IQCJ: variants seen among roughly 807,000 people sequenced by gnomAD.
The protein encoded by IQCJ is IQ domain-containing protein J.
Under a neutral mutation model 11.0 loss-of-function variants are expected in IQCJ, and 9 were observed. The observed-to-expected ratio is 0.82, with a 90% CI of 0.49 to 1.43. The LOEUF is 1.43. IQCJ is among the 40% of genes most tolerant of loss of function. IQCJ has a pLI of 0.00. For missense variants in IQCJ, 146 were observed against 133.2 expected, an observed-to-expected ratio of 1.10 and a Z score of -0.47; for synonymous variants, 55 against 51.3, an observed-to-expected ratio of 1.07 and a Z score of -0.31.
intron 3 of IQCJ, among the ~76,000 whole-genome samples, chr3:159,255,136 A>G (rs150632415): frequency 4.8e-4 from 73 of 152,312 alleles, no homozygotes; most frequent in Admixed American, 1.2e-3. Flanking sequence ...ACCCTGTATT[A>G]TCACAGGCTT....
intron 1 of IQCJ, among the ~76,000 whole-genome samples, chr3:159,074,786 T>A (rs1480404301): frequency 6.6e-6 from 1 of 152,132 alleles, no homozygotes; most frequent in East Asian, 1.9e-4. Flanking sequence ...ACAGCCAGTT[T>A]GAGTAACGAA....
At chr3:159,172,597 A>T (rs1047658191) in intron 1 of IQCJ, among the ~76,000 whole-genome samples, 7 of 152,120 alleles carry the variant, frequency 4.6e-5, no homozygotes, top group Admixed American at 3.9e-4. Context: ...AATAAAATTC[A>T]TAAGAATCCT....
intron 1 of IQCJ, among the ~76,000 whole-genome samples, chr3:159,235,896 A>G (rs1726552867): frequency 6.6e-6 from 1 of 152,326 alleles, no homozygotes; most frequent in African/African-American, 2.4e-5. Context: ...TAAGTTTACA[A>G]TGTAGAAGGC....
At chr3:159,080,360 T>G (rs10513534) in intron 1 of IQCJ, among the ~76,000 whole-genome samples, 82,726 of 151,930 alleles carry the variant, frequency 0.54, 25,628 homozygotes, top group Non-Finnish European at 0.69. Context: ...ACTCTTCCAC[T>G]GTGGTTATCA....
At chr3:159,182,515 C>G (rs78493620) in intron 1 of IQCJ, among the ~76,000 whole-genome samples, 1,635 of 152,038 alleles carry the variant, frequency 0.011, 53 homozygotes, top group African/African-American at 0.038. Flanking sequence ...CTTATTCGGC[C>G]GGGGGCATCG....
intron 1 of IQCJ, among the ~76,000 whole-genome samples, chr3:159,240,293 A>G (rs902825303): frequency 6.6e-6 from 1 of 152,218 alleles, no homozygotes; most frequent in East Asian, 1.9e-4. Flanking sequence ...ATTAGCTTTC[A>G]CTTACTATGA....
intron 1 of IQCJ, among the ~76,000 whole-genome samples, chr3:159,213,789 A>G (rs1010104196): frequency 1.3e-5 from 2 of 152,170 alleles, no homozygotes; most frequent in African/African-American, 2.4e-5. Flanking sequence ...CCTTCTTTCA[A>G]GTTCCTCAAA....
chr3:159,154,111 C>T (rs564895562), intron 1 of IQCJ, among the ~76,000 whole-genome samples: 104 of 152,214 alleles, frequency 6.8e-4, no homozygotes, highest in African/African-American at 1.9e-3. Flanking sequence ...TAAAAAGTTC[C>T]CAAAAAATCT....
chr3:159,210,543 T>C (rs148766872), intron 1 of IQCJ, among the ~76,000 whole-genome samples: 1 of 152,346 alleles, frequency 6.6e-6, no homozygotes, highest in African/African-American at 2.4e-5. Flanking sequence ...GTGGTACTCA[T>C]ATCCCTGTGT....
chr3:159,214,186 C>G (rs1725096801), intron 1 of IQCJ, among the ~76,000 whole-genome samples: 1 of 152,164 alleles, frequency 6.6e-6, no homozygotes, highest in African/African-American at 2.4e-5. Flanking sequence ...ACTCCATTCC[C>G]AGCTCAATCT....
intron 1 of IQCJ, among the ~76,000 whole-genome samples, chr3:159,240,937 C>T (rs915532367): frequency 6.6e-5 from 10 of 152,240 alleles, no homozygotes; most frequent in African/African-American, 2.4e-4. Context: ...ATGGCCAAAA[C>T]AAAGCAAGCA....
chr3:159,264,575 T>C (rs1728396979), downstream of IQCJ, among the ~76,000 whole-genome samples: 1 of 152,210 alleles, frequency 6.6e-6, no homozygotes, highest in African/African-American at 2.4e-5. Flanking sequence ...TCTGTGCTCA[T>C]GTGCTGAGGA....
intron 1 of IQCJ, among the ~76,000 whole-genome samples, chr3:159,101,700 C>A (rs1014577973): frequency 6.6e-6 from 1 of 152,192 alleles, no homozygotes; most frequent in African/African-American, 2.4e-5. Context: ...TACTGTGTTT[C>A]TGACTGATCT....
intron 1 of IQCJ, among the ~76,000 whole-genome samples, chr3:159,072,974 T>C (rs1715678237): frequency 6.6e-6 from 1 of 152,078 alleles, no homozygotes; most frequent in African/African-American, 2.4e-5. Flanking sequence ...TGGGAAGAGA[T>C]TCTGAGACAG....
At chr3:159,256,345 G>C (rs903355965) in intron 3 of IQCJ, among the ~76,000 whole-genome samples, 1 of 152,140 alleles carries the variant, frequency 6.6e-6, no homozygotes, top group African/African-American at 2.4e-5. Flanking sequence ...CTATAAAGGA[G>C]AGAGAGGGGC....
intron 1 of IQCJ, among the ~76,000 whole-genome samples, chr3:159,203,749 G>A (rs1724488441): frequency 6.6e-6 from 1 of 152,070 alleles, no homozygotes; most frequent in Non-Finnish European, 1.5e-5. Context: ...CACCTCTGAG[G>A]GCAGGTCACC....
At chr3:159,177,225 T>G (rs1722844020) in intron 1 of IQCJ, among the ~76,000 whole-genome samples, 1 of 152,214 alleles carries the variant, frequency 6.6e-6, no homozygotes. Flanking sequence ...TTCCTTGGTT[T>G]GATTATCACA....
chr3:159,184,970 T>C (rs1376338603), intron 1 of IQCJ, among the ~76,000 whole-genome samples: 3 of 152,352 alleles, frequency 2.0e-5, no homozygotes, highest in East Asian at 1.9e-4. Flanking sequence ...AAGTTACTTA[T>C]TGAATTCAGA....
At chr3:159,176,758 T>A (rs1195533319) in intron 1 of IQCJ, among the ~76,000 whole-genome samples, 2 of 152,182 alleles carry the variant, frequency 1.3e-5, no homozygotes, top group Admixed American at 6.6e-5. Context: ...AGTTAAAAAA[T>A]TTTTAATGTG....
Sources: gnomAD v4.1 joint callset for allele counts (sites outside exome capture counted in the v4.1 genomes callset) on GRCh38, gnomAD v4.1.1 for gene constraint, MANE v1.5 for transcripts, NCBI Gene and HGNC (gene_info 2026-07-23, HGNC 2026-07-21) for gene names.